BTBD9: variants seen among roughly 807,000 people sequenced by gnomAD.
BTBD9 encodes BTB/POZ domain-containing protein 9.
BTBD9 carries 49 observed loss-of-function variants against 64.3 expected under a neutral mutation model. That is an observed-to-expected ratio of 0.76 (90% CI 0.61 to 0.97). The LOEUF (loss-of-function observed/expected upper bound fraction) is 0.97. Ranked by LOEUF, BTBD9 falls within the 50% of genes least tolerant of loss-of-function variation. BTBD9 has a pLI of 0.00. For missense variants in BTBD9, 598 were observed against 762.1 expected (o/e 0.78, Z 2.53); for synonymous variants, 260 against 274.7 (o/e 0.95, Z 0.53).
chr6:38,585,938 C>CCACACACACACACACACA (rs10660204), intron 4 of BTBD9, among the ~76,000 whole-genome samples: 3 of 140,864 alleles, frequency 2.1e-5, no homozygotes, highest in East Asian at 2.1e-4. Context: ...ACAGGACAGA[C>CCACACACACACACACACA]CACACACACA....
At chr6:38,519,357 T>C (rs2127418131) in intron 6 of BTBD9, among the ~76,000 whole-genome samples, 1 of 152,354 alleles carries the variant, frequency 6.6e-6, no homozygotes, top group Middle Eastern at 3.4e-3. Context: ...AATTCTATAA[T>C]ACCTATGCTG....
chr6:38,445,425 G>C (rs1178320780), intron 6 of BTBD9, among the ~76,000 whole-genome samples: 1 of 152,188 alleles, frequency 6.6e-6, no homozygotes, highest in African/African-American at 2.4e-5. Context: ...AAGTCTACCA[G>C]GAAGGGAAGT....
chr6:38,321,654 T>C (rs1346393141), intron 7 of BTBD9, among the ~76,000 whole-genome samples: 1 of 152,178 alleles, frequency 6.6e-6, no homozygotes, highest in East Asian at 1.9e-4. Context: ...TTTTTAACAC[T>C]AAATATTAGA....
At position 38,378,767 on chromosome 6, in the gene BTBD9, G is replaced by A. The variant is rs181214270; in HGVS notation, c.1155-33674C>T. 7.8e-4 allele frequency among the ~76,000 whole-genome samples: 118 copies of A among 151,222 alleles called. 1 individual carries two copies. Among genetic ancestry groups the A allele is most frequent in the Admixed American group, 2.6e-4 (4 of 15,236 alleles). ...TGGGTACCTGTAATCTCAGCTACTC[G>A]GGAGGCTGAGGCAGAAGAATCACTT... On this transcript the variant is annotated intron_variant, in intron 6 of 10. Transcript: ENST00000481247.
At chr6:38,178,909 G>C (rs911213904) in intron 10 of BTBD9, among the ~76,000 whole-genome samples, 2 of 152,064 alleles carry the variant, frequency 1.3e-5, no homozygotes, top group African/African-American at 2.4e-5. Context: ...CTGGGGTGCA[G>C]GGGGGCTATC....
chr6:38,462,059 G>T (rs1770109619), intron 6 of BTBD9, among the ~76,000 whole-genome samples: 1 of 152,042 alleles, frequency 6.6e-6, no homozygotes, highest in Non-Finnish European at 1.5e-5. Context: ...TTCTTCATAT[G>T]TTCTTTATTA....
chr6:38,194,434 T>C (rs1269834556), intron 9 of BTBD9, among the ~76,000 whole-genome samples: 1 of 152,242 alleles, frequency 6.6e-6, no homozygotes, highest in Non-Finnish European at 1.5e-5. Context: ...TGGTGACAGC[T>C]ATTAGGTTCA....
At chr6:38,496,200 G>GA (rs1241490882) in intron 6 of BTBD9, among the ~76,000 whole-genome samples, 2 of 152,046 alleles carry the variant, frequency 1.3e-5, no homozygotes, top group Non-Finnish European at 2.9e-5. Context: ...CTGAAGGAAA[G>GA]AAAGGGCATC....
At chr6:38,489,732 C>A (rs75885579) in intron 6 of BTBD9, among the ~76,000 whole-genome samples, 1 of 152,174 alleles carries the variant, frequency 6.6e-6, no homozygotes, top group Non-Finnish European at 1.5e-5. Flanking sequence ...TTCACACTGA[C>A]GTTGATCCTT....
At chr6:38,632,915 G>A (rs964190516) in intron 1 of BTBD9, among the ~76,000 whole-genome samples, 3 of 152,106 alleles carry the variant, frequency 2.0e-5, no homozygotes, top group African/African-American at 7.2e-5. Flanking sequence ...CTGGGCAAGA[G>A]AGCCAGACCC....
chr6:38,492,711 C>T lies in BTBD9; in HGVS notation c.1154+84889G>A, dbSNP rs16890743. Among the ~76,000 whole-genome samples the T allele has an allele frequency of 0.025, 3,768 of 152,172 alleles. 364 individuals are homozygous for T. In the East Asian group the frequency reaches 0.3, roughly 12 times the overall value. On this transcript the variant is annotated intron_variant, in intron 6 of 10. Coordinates refer to ENST00000481247, the MANE Select transcript of BTBD9 (RefSeq NM_001099272.2). ...TGGTAAGGAAAATTATAATGTGGCA[C>T]AAATAGCATATCAATTCTTTTCTTA...
At chr6:38,532,159 G>T (rs981766674) in intron 6 of BTBD9, among the ~76,000 whole-genome samples, 8 of 152,208 alleles carry the variant, frequency 5.3e-5, no homozygotes, top group Non-Finnish European at 1.0e-4. Flanking sequence ...GCAAGGTATT[G>T]TACTGAACTC....
At chr6:38,222,501 C>T (rs539778320) in intron 9 of BTBD9, among the ~76,000 whole-genome samples, 5 of 151,982 alleles carry the variant, frequency 3.3e-5, no homozygotes, top group Admixed American at 1.3e-4. Context: ...CCTCGTGATC[C>T]GCCCGCCTTG....
intron 9 of BTBD9, among the ~76,000 whole-genome samples, chr6:38,236,291 C>G (rs1763775569): frequency 6.6e-6 from 1 of 152,202 alleles, no homozygotes; most frequent in Non-Finnish European, 1.5e-5. Flanking sequence ...CTCAGTTCTC[C>G]AGAGCTCCCA....
At chr6:38,331,207 T>C (rs1016604075) in intron 7 of BTBD9, among the ~76,000 whole-genome samples, 7 of 152,200 alleles carry the variant, frequency 4.6e-5, no homozygotes, top group African/African-American at 1.7e-4. Flanking sequence ...AGGCCAGGCG[T>C]GGTGGCTTAT....
chr6:38,569,263 T>C (rs983984773), intron 6 of BTBD9, among the ~76,000 whole-genome samples: 26 of 152,232 alleles, frequency 1.7e-4, no homozygotes, highest in Admixed American at 6.5e-5. Flanking sequence ...TTCATCTTTT[T>C]ATGTCTGGCA....
At chr6:38,449,946 ACTAAAAAGCTCCTT>A (rs1443633980) in intron 6 of BTBD9, among the ~76,000 whole-genome samples, 1 of 152,182 alleles carries the variant, frequency 6.6e-6, no homozygotes, top group Admixed American at 6.5e-5. Flanking sequence ...ATTACATAAA[ACTAAAAAGCTCCTT>A]CTGCACTCCT....
chr6:38,491,480 TTAAG>T (rs1214013659), intron 6 of BTBD9, among the ~76,000 whole-genome samples: 17 of 152,230 alleles, frequency 1.1e-4, no homozygotes, highest in Non-Finnish European at 1.9e-4. Flanking sequence ...CTTGCATAAA[TTAAG>T]TAATAACACC....
At chr6:38,473,023 A>G (rs1325057530) in intron 6 of BTBD9, among the ~76,000 whole-genome samples, 2 of 152,200 alleles carry the variant, frequency 1.3e-5, no homozygotes, top group Admixed American at 6.5e-5. Context: ...TAATTTAGAT[A>G]TTTTTCCAAA....
Sources: gnomAD v4.1 joint callset for allele counts (sites outside exome capture counted in the v4.1 genomes callset) on GRCh38, gnomAD v4.1.1 for gene constraint, MANE v1.5 for transcripts, NCBI Gene and HGNC (gene_info 2026-07-23, HGNC 2026-07-21) for gene names.